TDRD12: variants seen among roughly 807,000 people sequenced by gnomAD.
The protein encoded by TDRD12 is tudor domain containing 12.
In TDRD12, 158 loss-of-function variants were observed where a neutral mutation model predicts 133.5. The ratio of observed to expected loss-of-function variants is 1.18; its 90% CI spans 1.04 to 1.35. The LOEUF (loss-of-function observed/expected upper bound fraction) is 1.35, where lower values mean the gene tolerates loss of function less well. TDRD12 is among the 40% of genes most tolerant of loss of function. The probability of loss-of-function intolerance (pLI) is 0.00; values close to 1 mark genes in which losing one functional copy is unlikely to be tolerated. For synonymous variants in TDRD12, 460 were observed against 477.9 expected (o/e 0.96, Z 0.49); for missense variants, 1,443 against 1,321.3 (o/e 1.09, Z -1.43).
At chr19:32,807,770 C>A in intron 22 of TDRD12, 122 bp downstream of exon 22, 1 of 578,322 alleles carries the variant, frequency 1.7e-6, no homozygotes, top group Non-Finnish European at 2.8e-6. Context: ...TATTAACATA[C>A]CACCATTAGT....
chr19:32,780,423 CAG>C (rs1418400800), intron 11 of TDRD12, among the ~76,000 whole-genome samples: 1 of 152,190 alleles, frequency 6.6e-6, no homozygotes, highest in Non-Finnish European at 1.5e-5. Flanking sequence ...ATTTCAATGT[CAG>C]AGTCTGAACA....
intron 8 of TDRD12, among the ~76,000 whole-genome samples, chr19:32,757,573 C>A (rs970740084): frequency 6.6e-6 from 1 of 152,174 alleles, no homozygotes. Context: ...TTTTCAGCCC[C>A]TTTGATGACT....
At chr19:32,720,491 G>T (rs1373193675) in intron 1 of TDRD12, among the ~76,000 whole-genome samples, 1 of 17,914 alleles carries the variant, frequency 5.6e-5, no homozygotes, top group Admixed American at 7.9e-4. Flanking sequence ...TCCCAACCCC[G>T]TATATCCCAT....
rs765925646 is a variant in TDRD12, at chr19:32,755,970, T to C, written c.583-22T>C. 7.0e-6 allele frequency: 10 copies of C among 1,431,482 alleles called. No individual in the cohort carries two copies. The South Asian group carries it at 1.4e-4, about 20-fold the overall frequency. The allele number at this position is 1,431,482 out of a possible 1,614,324, so 88.7% of individuals were successfully genotyped here. A position where few individuals can be genotyped will look rare whatever the true frequency, so the allele number is the denominator to read the frequency against. ...TTGACTATATTTGTCTTATTAGTCA[T>C]GAAATGTTTAAAATTTTACAGGTTT... On this transcript the variant is annotated intron_variant, in intron 6 of 27. Coordinates refer to ENST00000444215, the Ensembl canonical transcript of TDRD12.
exon 10 of TDRD12, chr19:32,827,254 GAGA>G (rs1317848403): frequency 2.4e-6 from 3 of 1,231,370 alleles, no homozygotes; most frequent in African/African-American, 3.1e-5. Flanking sequence ...GAGAGTGAAA[GAGA>G]AGGTGAATGA....
intron 17 of TDRD12, 101 bp from the exon 18 acceptor site, chr19:32,800,543 C>T (rs1971357930): frequency 4.9e-6 from 5 of 1,025,758 alleles, no homozygotes; most frequent in Non-Finnish European, 6.7e-6. Flanking sequence ...ATATTGATTT[C>T]CTATACATTC....
intron 11 of TDRD12, among the ~76,000 whole-genome samples, chr19:32,781,109 A>AT (rs1331704219): frequency 3.3e-5 from 5 of 151,492 alleles, no homozygotes; most frequent in South Asian, 2.1e-4. Flanking sequence ...CGCCTGGCTA[A>AT]TTTTTTTGTA....
In TDRD12 at chr19:32,800,367, G is replaced by GTGTGTA. The variant is rs759853767; in HGVS notation, c.1950+27_1950+32dup. ...ATGGCAATGTCCAACAGGTAACTTT[G>GTGTGTA]TGTGTATGTGTATGTGTATGTGTGT... On this transcript the variant is annotated intron_variant, in intron 17 of 27. Coordinates refer to ENST00000444215, the Ensembl canonical transcript of TDRD12. The GTGTGTA allele has an allele frequency of 9.9e-5, 149 of 1,500,840 alleles. No homozygotes were observed. Among genetic ancestry groups the GTGTGTA allele is most frequent in the South Asian group, 3.8e-4 (29 of 77,258 alleles). 93.0% of individuals were successfully genotyped at this position (1,500,840 alleles called of 1,614,324 possible). A position where few individuals can be genotyped will look rare whatever the true frequency, so the allele number is the denominator to read the frequency against.
downstream of TDRD12, among the ~76,000 whole-genome samples, chr19:32,822,652 CAGG>C (rs1967441119): frequency 6.6e-6 from 1 of 151,192 alleles, no homozygotes; most frequent in Non-Finnish European, 1.5e-5. Context: ...GAGGCTGAGG[CAGG>C]AGAAGGGTGT....
intron 8 of TDRD12, among the ~76,000 whole-genome samples, chr19:32,759,087 C>G (rs1162843329): frequency 6.6e-6 from 1 of 152,114 alleles, no homozygotes; most frequent in Non-Finnish European, 1.5e-5. Context: ...ACTAAAAATA[C>G]AAAAATTAGC....
At chr19:32,815,339 A>G in intron 25 of TDRD12, 109 bp from the exon 26 acceptor site, 1 of 918,378 alleles carries the variant, frequency 1.1e-6, no homozygotes, top group African/African-American at 1.7e-5. Flanking sequence ...GCCGAAGTGC[A>G]GCCAACGTGG....
At chr19:32,737,871 G>A (rs766277025) in intron 2 of TDRD12, among the ~76,000 whole-genome samples, 17 of 152,302 alleles carry the variant, frequency 1.1e-4, no homozygotes, top group Middle Eastern at 3.4e-3. Flanking sequence ...GGTGGCTCAC[G>A]CCTGTAATCC....
intron 24 of TDRD12, among the ~76,000 whole-genome samples, chr19:32,813,268 G>GC (rs1347111735): frequency 6.6e-6 from 1 of 152,242 alleles, no homozygotes; most frequent in East Asian, 1.9e-4. Flanking sequence ...CTGCAAGGCA[G>GC]CTCCATTGCA....
At chr19:32,815,364 C>A in intron 25 of TDRD12, 84 bp from the exon 26 acceptor site, 1 of 1,186,156 alleles carries the variant, frequency 8.4e-7, no homozygotes, top group Non-Finnish European at 1.2e-6. Flanking sequence ...CTGAATGAAC[C>A]AGAGAGGCCC....
chr19:32,804,553 C>T (rs1249062418), intron 21 of TDRD12, among the ~76,000 whole-genome samples: 11 of 151,258 alleles, frequency 7.3e-5, no homozygotes, highest in Non-Finnish European at 3.0e-5. Flanking sequence ...ATTAGCTGGG[C>T]GTGGTGGTGC....
chr19:32,817,558 T>G (rs1967223265), intron 26 of TDRD12, among the ~76,000 whole-genome samples: 2 of 152,096 alleles, frequency 1.3e-5, no homozygotes, highest in South Asian at 4.2e-4. Context: ...AGTGTGCTCC[T>G]GTGTATACAG....
intron 8 of TDRD12, among the ~76,000 whole-genome samples, chr19:32,764,103 C>CTCTT (rs1970227487): frequency 1.4e-5 from 1 of 72,298 alleles, no homozygotes; most frequent in African/African-American, 5.7e-5. Flanking sequence ...TATTGTCCAT[C>CTCTT]TTTTTTTTTT....
Position 32,765,805 on chromosome 19 carries a change from G to T in TDRD12, c.866-6948G>T, listed in dbSNP as rs189015995. 2.4e-4 allele frequency among the ~76,000 whole-genome samples: 36 copies of T among 151,534 alleles called. No individual in the cohort carries two copies. The East Asian group carries it at 6.8e-3, about 29-fold the overall frequency. On this transcript the variant is annotated intron_variant, in intron 8 of 27. Coordinates refer to ENST00000444215, the Ensembl canonical transcript of TDRD12. ...CCTAATGTTAAATGACAAGTTAATG[G>T]GTGCAGCACACCAACATGGCACATG...
intron 1 of TDRD12, among the ~76,000 whole-genome samples, chr19:32,725,483 A>T (rs576772298): frequency 2.0e-5 from 3 of 152,200 alleles, no homozygotes; most frequent in Non-Finnish European, 4.4e-5. Flanking sequence ...TCCTTTCCCC[A>T]TTGCCTGTTT....
Sources: allele counts gnomAD v4.1 joint callset (sites outside exome capture counted in the v4.1 genomes callset), GRCh38; gene constraint gnomAD v4.1.1; transcripts MANE v1.5; gene names NCBI Gene and HGNC (gene_info 2026-07-23, HGNC 2026-07-21).